The following LRMDA variants were observed in gnomAD, a reference collection of about 807,000 sequenced individuals.
LRMDA encodes leucine-rich melanocyte differentiation-associated protein.
Under a neutral mutation model 29.8 loss-of-function variants are expected in LRMDA, and 18 were observed. The ratio of observed to expected loss-of-function variants is 0.60; its 90% CI spans 0.42 to 0.90. The LOEUF (loss-of-function observed/expected upper bound fraction) is 0.90. Among genes scored for constraint, LRMDA ranks in the 40% least tolerant of loss-of-function variants. The pLI is 0.00. For missense variants in LRMDA, 273 were observed against 273.9 expected, an observed-to-expected ratio of 1.00 and a Z score of 0.02; for synonymous variants, 125 against 109.4, an observed-to-expected ratio of 1.14 and a Z score of -0.89.
chr10:76,165,260 G>A (rs746688797), intron 5 of LRMDA, among the ~76,000 whole-genome samples: 2 of 150,936 alleles, frequency 1.3e-5, no homozygotes, highest in East Asian at 4.0e-4. Flanking sequence ...GGCGTGAGAC[G>A]CCATGCCCAG....
chr10:76,054,534 G>A (rs965097788), intron 4 of LRMDA, among the ~76,000 whole-genome samples: 4 of 151,818 alleles, frequency 2.6e-5, no homozygotes, highest in African/African-American at 4.8e-5. Flanking sequence ...TGCCAGCCCC[G>A]TGAAGGCATC....
chr10:75,436,881 C>T (rs918978982), intron 1 of LRMDA, among the ~76,000 whole-genome samples: 4 of 152,144 alleles, frequency 2.6e-5, no homozygotes, highest in Non-Finnish European at 4.4e-5. Context: ...AGCTTGGAAG[C>T]AGAACTTAAT....
intron 2 of LRMDA, among the ~76,000 whole-genome samples, chr10:75,564,032 C>T (rs568508882): frequency 0.01 from 1,573 of 152,292 alleles, 29 homozygotes; most frequent in African/African-American, 0.034. Context: ...TCTCCAGCTG[C>T]GTGCTGGGAG....
chr10:75,995,792 G>C (rs1847451672), intron 2 of LRMDA, among the ~76,000 whole-genome samples: 1 of 152,072 alleles, frequency 6.6e-6, no homozygotes, highest in South Asian at 2.1e-4. Flanking sequence ...TGTGATGTGT[G>C]GGTCACTTTC....
chr10:76,137,720 C>T (rs559445195), intron 5 of LRMDA, among the ~76,000 whole-genome samples: 27 of 149,622 alleles, frequency 1.8e-4, no homozygotes, highest in East Asian at 1.6e-3. Flanking sequence ...CCAAAAACAA[C>T]GAAATGCATT....
At chr10:75,947,258 C>A (rs1846491829) in intron 2 of LRMDA, among the ~76,000 whole-genome samples, 1 of 152,098 alleles carries the variant, frequency 6.6e-6, no homozygotes, top group Non-Finnish European at 1.5e-5. Context: ...GCGGTTCAAC[C>A]TAATTCTGGC....
chr10:75,514,126 G>T (rs1343101935), intron 2 of LRMDA, among the ~76,000 whole-genome samples: 4 of 148,508 alleles, frequency 2.7e-5, no homozygotes, highest in Non-Finnish European at 4.4e-5. Context: ...CTTCATTCCT[G>T]TCTGTGGTAC....
chr10:76,404,734 A>G (rs1377977987), intron 6 of LRMDA, among the ~76,000 whole-genome samples: 2 of 152,122 alleles, frequency 1.3e-5, no homozygotes, highest in East Asian at 1.9e-4. Context: ...TAAAACCTCA[A>G]CTTCCCACTT....
intron 2 of LRMDA, among the ~76,000 whole-genome samples, chr10:75,981,142 G>T (rs1485786551): frequency 6.6e-6 from 1 of 152,118 alleles, no homozygotes; most frequent in East Asian, 1.9e-4. Context: ...AATTTGCTGT[G>T]ACTATTTCAC....
intron 2 of LRMDA, among the ~76,000 whole-genome samples, chr10:75,772,869 T>TGGG (rs1554824987): frequency 1.5e-3 from 73 of 49,760 alleles, no homozygotes; most frequent in Non-Finnish European, 1.7e-3. Context: ...GGGGGTGGGA[T>TGGG]GGGGGGGGGC....
At chr10:75,434,795 G>A (rs931236928) in intron 1 of LRMDA, among the ~76,000 whole-genome samples, 16 of 152,230 alleles carry the variant, frequency 1.1e-4, no homozygotes, top group Non-Finnish European at 1.6e-4. Context: ...CCCCTGGCTA[G>A]GGGTAGGCAT....
At chr10:76,238,939 T>G (rs1852215995) in intron 5 of LRMDA, among the ~76,000 whole-genome samples, 1 of 152,114 alleles carries the variant, frequency 6.6e-6, no homozygotes, top group South Asian at 2.1e-4. Context: ...TTCTCCTTAT[T>G]GATTTTGTAA....
intron 6 of LRMDA, among the ~76,000 whole-genome samples, chr10:76,481,647 T>C (rs1052920868): frequency 2.0e-5 from 3 of 151,944 alleles, no homozygotes; most frequent in Admixed American, 6.6e-5. Flanking sequence ...TCTCCAACTT[T>C]CTTTGTGCAA....
rs1362669220 is a variant in LRMDA, at chr10:76,240,790, ATAGATAGATAG to A, written c.517-83610_517-83600del. On this transcript the variant is annotated intron_variant, in intron 5 of 6. Coordinates refer to ENST00000611255, the MANE Select transcript of LRMDA (RefSeq NM_001305581.2). The stretch of plus-strand genomic sequence containing the variant: ...GATAGATAGATAGATAGATAGATAG[ATAGATAGATAG>A]ATACACATATATATGTATATATATA... Among the ~76,000 whole-genome samples, 134 of 141,228 alleles carry A rather than the reference ATAGATAGATAG, an allele frequency of 9.5e-4. 1 individual carries two copies. The highest frequency in any genetic ancestry group is 2.1e-3 in the Admixed American group (28 of 13,614). 92.7% of individuals were successfully genotyped at this position (141,228 alleles called of 152,430 possible).
chr10:76,252,036 C>A (rs1852494853), intron 5 of LRMDA, among the ~76,000 whole-genome samples: 1 of 152,140 alleles, frequency 6.6e-6, no homozygotes, highest in Non-Finnish European at 1.5e-5. Flanking sequence ...GTGTCACTTC[C>A]CATAAGTTAT....
intron 2 of LRMDA, among the ~76,000 whole-genome samples, chr10:75,781,032 G>A (rs2132242661): frequency 6.6e-6 from 1 of 152,248 alleles, no homozygotes; most frequent in Admixed American, 6.5e-5. Context: ...TTTGCACCTG[G>A]CATCCTCTTT....
chr10:76,378,673 G>A (rs1046013190), intron 6 of LRMDA, among the ~76,000 whole-genome samples: 2 of 151,692 alleles, frequency 1.3e-5, no homozygotes, highest in African/African-American at 2.4e-5. Flanking sequence ...TGCTTATGTG[G>A]TGAATCACAT....
intron 5 of LRMDA, among the ~76,000 whole-genome samples, chr10:76,291,852 T>C (rs1350611601): frequency 6.6e-6 from 1 of 152,016 alleles, no homozygotes; most frequent in Admixed American, 6.6e-5. Flanking sequence ...GAGAATTTAG[T>C]GTATATTTTC....
intron 2 of LRMDA, among the ~76,000 whole-genome samples, chr10:76,027,041 G>T (rs544562341): frequency 1.3e-5 from 2 of 152,286 alleles, no homozygotes; most frequent in South Asian, 2.1e-4. Context: ...TGTAGGCTGA[G>T]GACTTTGAAA....
Sources: gnomAD v4.1 joint callset for allele counts (sites outside exome capture counted in the v4.1 genomes callset) on GRCh38, gnomAD v4.1.1 for gene constraint, MANE v1.5 for transcripts, NCBI Gene and HGNC (gene_info 2026-07-23, HGNC 2026-07-21) for gene names.